Variants in SHB observed in about 807,000 individuals in gnomAD.
SHB encodes SH2 domain-containing adapter protein B.
Under a neutral mutation model 52.3 loss-of-function variants are expected in SHB, and 20 were observed. That is an observed-to-expected ratio of 0.38 (90% CI 0.27 to 0.56). The LOEUF (loss-of-function observed/expected upper bound fraction) is 0.56. SHB is among the 20% of genes least tolerant of loss of function. SHB has a pLI of 0.71. For synonymous variants in SHB, 397 were observed against 316.5 expected, an observed-to-expected ratio of 1.25 and a Z score of -2.70; for missense variants, 825 against 723.3, an observed-to-expected ratio of 1.14 and a Z score of -1.61.
chr9:38,068,309 CCAGGCGGCA>C lies in SHB; in HGVS notation c.328_336del (p.Cys110_Leu112del). 1.5e-5 allele frequency: 22 copies of C among 1,516,804 alleles called. No individual in the cohort carries two copies. The highest frequency in any genetic ancestry group is 1.8e-5 in the Non-Finnish European group (20 of 1,137,842). 94.0% of individuals were successfully genotyped at this position (1,516,804 alleles called of 1,614,324 possible). ...GGCTCCCCGCTGCCGCCGCAGTAGT[CCAGGCGGCA>C]CATGGCGCGCAGTTTGCGCAGCGAC... is the stretch of plus-strand genomic sequence containing the variant. On this transcript the variant is annotated inframe_deletion, in exon 1 of 6. Transcript: ENST00000377707.
Position 38,016,103 on chromosome 9 carries a change from GGA to G in SHB, c.744_745del (p.Pro249LeufsTer2). The G allele has an allele frequency of 6.2e-7, 1 of 1,614,128 alleles. No individual in the cohort carries two copies. Among genetic ancestry groups the G allele is most frequent in the Non-Finnish European group, 8.5e-7 (1 of 1,179,946 alleles). On this transcript the variant is annotated frameshift_variant, in exon 2 of 6. Coordinates refer to ENST00000377707, the MANE Select transcript of SHB (RefSeq NM_003028.3). LOFTEE classifies it high-confidence loss of function. ...CTTGAGATCATTCTTGGCATCAAAG[GGA>G]TCTGAGTAGTCATCGGCTATGGTCA...
At chr9:38,016,373 G>A (rs1693521036) in intron 1 of SHB, among the ~76,000 whole-genome samples, 1 of 152,230 alleles carries the variant, frequency 6.6e-6, no homozygotes, top group Admixed American at 6.5e-5. Context: ...CTGGCTCCAG[G>A]CACAGTGAGG....
chr9:37,920,004 C>T lies in SHB; in HGVS notation c.1347G>A (p.Arg449=), dbSNP rs748329056. 6.2e-7 allele frequency: 1 copy of T among 1,613,524 alleles called. No homozygotes were observed. Among genetic ancestry groups the T allele is most frequent in the Non-Finnish European group, 8.5e-7 (1 of 1,179,524 alleles). ...TCATGTGCATAAAACCCTGGTTGCT[C>T]CTGTGAACAAAACACAGAGTTATCA... ...TSKHDYSLSL[R]SNQGFMHMKL... The change falls in exon 6 of 6, where the codon AGG becomes AGA. Residue 449 remains arginine (R), a splice_region_variant and synonymous_variant. Coordinates refer to ENST00000377707, the MANE Select transcript of SHB (RefSeq NM_003028.3).
Position 37,919,908 on chromosome 9 carries a change from G to T in SHB, c.1443C>A (p.Val481=). The T allele has an allele frequency of 6.2e-7, 1 of 1,614,004 alleles. No individual in the cohort carries two copies. Among genetic ancestry groups the T allele is most frequent in the Non-Finnish European group, 8.5e-7 (1 of 1,179,856 alleles). ...NSPPFDSVPE[V]IHYYTTRKLP... ...GCTTTCTGGTGGTGTAGTAGTGGATGACTTCCGGGACACTGTCGAACGGAG... is the reference window on the plus strand; with the variant it reads ...GCTTTCTGGTGGTGTAGTAGTGGATTACTTCCGGGACACTGTCGAACGGAG... Residue 481 remains valine (V), a synonymous_variant, in exon 6 of 6, where the codon GTC becomes GTA. Transcript: ENST00000377707.
At chr9:37,920,126 C>A in intron 5 of SHB, 122 bp from the exon 6 acceptor site, 1 of 757,986 alleles carries the variant, frequency 1.3e-6, no homozygotes, top group East Asian at 2.6e-5. Flanking sequence ...AGCTGCACCT[C>A]TCCAAGCCAG....
chr9:38,038,301 A>C (rs932747725), intron 1 of SHB, among the ~76,000 whole-genome samples: 1 of 152,186 alleles, frequency 6.6e-6, no homozygotes, highest in African/African-American at 2.4e-5. Context: ...TCACAAAAGC[A>C]ATGGACCTGG....
rs1832153718 is a variant in SHB at position 37,919,782 on chromosome 9, T to C, written c.*39A>G. 6.3e-7 allele frequency: 1 copy of C among 1,575,958 alleles called. No individual in the cohort carries two copies. Among genetic ancestry groups the C allele is most frequent in the Non-Finnish European group, 8.7e-7 (1 of 1,149,834 alleles). ...GTGGGGGGCCTCTGGCACCTCCAAG[T>C]CTCAGGCTCTGTCACAGAGCAGGGC... On this transcript the variant is annotated 3_prime_UTR_variant, in exon 6 of 6. Coordinates refer to ENST00000377707, the MANE Select transcript of SHB (RefSeq NM_003028.3).
intron 3 of SHB, among the ~76,000 whole-genome samples, chr9:37,970,090 G>A (rs1820573809): frequency 6.6e-6 from 1 of 152,360 alleles, no homozygotes. Context: ...TGGAGGCAGA[G>A]CTGCAGTCCA....
At chr9:37,941,012 A>G (rs1227884843) in intron 5 of SHB, among the ~76,000 whole-genome samples, 1 of 152,232 alleles carries the variant, frequency 6.6e-6, no homozygotes, top group Non-Finnish European at 1.5e-5. Flanking sequence ...CAACGTACAG[A>G]GTGCAAGAGA....
intron 1 of SHB, among the ~76,000 whole-genome samples, chr9:38,056,037 G>A (rs1347483659): frequency 6.6e-6 from 1 of 152,124 alleles, no homozygotes; most frequent in African/African-American, 2.4e-5. Context: ...AAGCGCATGG[G>A]TATCTGCAGA....
rs115336599 is a variant in SHB at position 37,966,152 on chromosome 9, T to C, written c.1054+8470A>G. Among the ~76,000 whole-genome samples the C allele has an allele frequency of 4.8e-3, 737 of 152,290 alleles. 8 individuals carry two copies. Among genetic ancestry groups the C allele is most frequent in the African/African-American group, 0.017 (711 of 41,560 alleles). On this transcript the variant is annotated intron_variant, in intron 3 of 5. Transcript: ENST00000377707. The stretch of plus-strand genomic sequence containing the variant: ...CTGCGTCTGGCCTGATTTACTCAAA[T>C]ATCTGAGGGCTCACTGTGTGCCAGG...
intron 4 of SHB, among the ~76,000 whole-genome samples, chr9:37,954,265 T>C (rs1832602979): frequency 1.3e-5 from 2 of 152,154 alleles, no homozygotes; most frequent in Non-Finnish European, 2.9e-5. Flanking sequence ...TATGATGTCA[T>C]TCGGAAAACC....
At chr9:37,974,926 C>T in intron 2 of SHB, 89 bp from the exon 3 acceptor site, 1 of 1,131,042 alleles carries the variant, frequency 8.8e-7, no homozygotes, top group African/African-American at 1.5e-5. Flanking sequence ...AAACTCAGAG[C>T]TGCCAGCGGG....
intron 1 of SHB, among the ~76,000 whole-genome samples, chr9:38,031,499 C>CT (rs1821412988): frequency 1.3e-5 from 2 of 152,158 alleles, no homozygotes; most frequent in South Asian, 4.1e-4. Context: ...ACCATGCTTT[C>CT]TAGGGAAGCA....
chr9:38,065,200 C>T lies in SHB; in HGVS notation c.717+2729G>A, dbSNP rs192878779. On this transcript the variant is annotated intron_variant, in intron 1 of 5. Transcript: ENST00000377707. ...GCCGGATCTACAGTGTGCCTGGCCT[C>T]CCAAAAGCTGTCTGGCTGGAAATAA... Among the ~76,000 whole-genome samples, 282 of 152,286 alleles carry T rather than the reference C, an allele frequency of 1.9e-3. 1 individual carries two copies. Among genetic ancestry groups the T allele is most frequent in the Non-Finnish European group, 3.4e-3 (232 of 68,016 alleles).
intron 5 of SHB, among the ~76,000 whole-genome samples, chr9:37,936,032 G>A (rs574188174): frequency 3.2e-4 from 47 of 144,738 alleles, no homozygotes; most frequent in African/African-American, 1.1e-3. Context: ...GTGAAACCCC[G>A]TCTCTACTAA....
chr9:37,999,433 C>T (rs1315051106), intron 2 of SHB, among the ~76,000 whole-genome samples: 1 of 152,178 alleles, frequency 6.6e-6, no homozygotes, highest in Non-Finnish European at 1.5e-5. Flanking sequence ...TGCAAAATGA[C>T]AGCTGTTTCA....
At chr9:38,002,133 A>C (rs144905728) in intron 2 of SHB, among the ~76,000 whole-genome samples, 1 of 152,320 alleles carries the variant, frequency 6.6e-6, no homozygotes, top group East Asian at 1.9e-4. Context: ...TCTATCTTAA[A>C]AAAAGGATAG....
At chr9:38,061,346 A>G (rs1023482311) in intron 1 of SHB, among the ~76,000 whole-genome samples, 2 of 150,360 alleles carry the variant, frequency 1.3e-5, no homozygotes, top group Non-Finnish European at 3.0e-5. Context: ...AAAATACATC[A>G]CCCCTACCAC....
Sources: allele counts gnomAD v4.1 joint callset (sites outside exome capture counted in the v4.1 genomes callset), GRCh38; gene constraint gnomAD v4.1.1; transcripts MANE v1.5; gene names NCBI Gene and HGNC (gene_info 2026-07-23, HGNC 2026-07-21).